Variants in TACR3 observed in about 807,000 individuals in gnomAD.
TACR3 encodes neuromedin-K receptor.
A neutral mutation model predicts 35.0 loss-of-function variants in TACR3; 34 were observed. The observed-to-expected ratio is 0.97, with a 90% CI of 0.74 to 1.30. The LOEUF (loss-of-function observed/expected upper bound fraction) is 1.30. Among genes scored for constraint, TACR3 ranks in the 50% most tolerant of loss-of-function variants. TACR3 has a pLI of 0.00. For synonymous variants in TACR3, 233 were observed against 221.1 expected (o/e 1.05, Z -0.48); for missense variants, 558 against 591.7 (o/e 0.94, Z 0.59).
At position 103,674,294 on chromosome 4, in the gene TACR3, C is replaced by G. The variant is rs561709791; in HGVS notation, c.549-15891G>C. Among the ~76,000 whole-genome samples, 6 of 151,590 alleles carry G rather than the reference C, an allele frequency of 4.0e-5. No homozygotes were observed. In the East Asian group the frequency reaches 9.7e-4, roughly 24 times the overall value. On this transcript the variant is annotated intron_variant, in intron 1 of 4. Coordinates refer to ENST00000304883, the MANE Select transcript of TACR3 (RefSeq NM_001059.3). ...CTATCCAGAGCACAATGAATTGTCT[C>G]CAGTGCTATTATGTTTTTCTGTTTT...
intron 1 of TACR3, among the ~76,000 whole-genome samples, chr4:103,695,254 T>C (rs942225612): frequency 2.6e-5 from 4 of 152,166 alleles, no homozygotes; most frequent in Non-Finnish European, 5.9e-5. Flanking sequence ...GGTCCACTTA[T>C]ACGCGGATTG....
intron 1 of TACR3, among the ~76,000 whole-genome samples, chr4:103,710,978 T>G (rs953581055): frequency 6.6e-6 from 1 of 152,090 alleles, no homozygotes. Flanking sequence ...AATAACAGGC[T>G]CTGAAATTGA....
At chr4:103,643,083 C>A (rs146496626) in intron 3 of TACR3, among the ~76,000 whole-genome samples, 1 of 151,768 alleles carries the variant, frequency 6.6e-6, no homozygotes, top group Non-Finnish European at 1.5e-5. Flanking sequence ...GTAATAACTA[C>A]TGGATTTGCT....
intron 1 of TACR3, among the ~76,000 whole-genome samples, chr4:103,710,491 T>C (rs233964): frequency 0.9 from 134,301 of 149,402 alleles, 59,600 homozygotes; most frequent in Non-Finnish European, 0.92. Context: ...CATATAAAGC[T>C]GTGTGTAGAG....
At chr4:103,697,693 A>G (rs6825438) in intron 1 of TACR3, among the ~76,000 whole-genome samples, 51,725 of 151,974 alleles carry the variant, frequency 0.34, 13,850 homozygotes, top group African/African-American at 0.74. Flanking sequence ...CAAAGTGCTG[A>G]GATTGCAGGC....
At chr4:103,622,859 G>A (rs1446029741) in intron 3 of TACR3, among the ~76,000 whole-genome samples, 1 of 152,148 alleles carries the variant, frequency 6.6e-6, no homozygotes, top group Non-Finnish European at 1.5e-5. Context: ...ACCCAGAGGA[G>A]ACTAATGTCA....
chr4:103,701,567 A>G (rs990943338), intron 1 of TACR3, among the ~76,000 whole-genome samples: 1 of 152,194 alleles, frequency 6.6e-6, no homozygotes, highest in Non-Finnish European at 1.5e-5. Context: ...TACATATGGA[A>G]CCAAAAAAGA....
chr4:103,711,813 G>A (rs1233332187), intron 1 of TACR3, among the ~76,000 whole-genome samples: 4 of 152,186 alleles, frequency 2.6e-5, no homozygotes, highest in South Asian at 2.1e-4. Context: ...ATACAAAATC[G>A]ATGTGCAAAA....
chr4:103,717,341 C>T (rs1355126829), intron 1 of TACR3, among the ~76,000 whole-genome samples: 1 of 151,664 alleles, frequency 6.6e-6, no homozygotes, highest in Non-Finnish European at 1.5e-5. Flanking sequence ...ATATTGTATA[C>T]TCTAAATTTG....
Position 103,719,695 on chromosome 4 carries a change from C to G in TACR3, c.-20G>C, listed in dbSNP as rs201377092. 32 of 1,605,148 alleles carry G rather than the reference C, an allele frequency of 2.0e-5. No homozygotes were observed. Among genetic ancestry groups the G allele is most frequent in the Non-Finnish European group, 2.7e-5 (32 of 1,179,946 alleles). On this transcript the variant is annotated 5_prime_UTR_variant, in exon 1 of 5. Transcript: ENST00000304883. ...GGCCATCGCCACCGGTCTGCAGTCC[C>G]GGACCCTCCCACTCACCCACGGGCA...
Position 103,611,654 on chromosome 4 carries a change from C to CTT in TACR3, c.889-19973_889-19972dup, listed in dbSNP as rs36108507. 1.9e-3 allele frequency among the ~76,000 whole-genome samples: 281 copies of CTT among 151,740 alleles called. 1 individual carries two copies. Among genetic ancestry groups the CTT allele is most frequent in the Admixed American group, 3.6e-3 (55 of 15,212 alleles). On this transcript the variant is annotated intron_variant, in intron 3 of 4. Coordinates refer to ENST00000304883, the MANE Select transcript of TACR3 (RefSeq NM_001059.3). The stretch of plus-strand genomic sequence containing the variant: ...AAACTGTCTAGTAGACAAGCATTTC[C>CTT]TTTTTTTTAACACAGACATGGCATC...
chr4:103,623,367 C>T, intron 3 of TACR3, among the ~76,000 whole-genome samples: 1 of 151,684 alleles, frequency 6.6e-6, no homozygotes. Context: ...AGATAGACAC[C>T]CTGGGATTTT....
At chr4:103,590,953 T>G (rs1049318585) in intron 4 of TACR3, among the ~76,000 whole-genome samples, 6 of 152,184 alleles carry the variant, frequency 3.9e-5, no homozygotes, top group African/African-American at 7.2e-5. Context: ...AGAGGCTGCA[T>G]GCTCTCTTAC....
chr4:103,591,713 A>C (rs1461035524), intron 3 of TACR3, 30 bp from the exon 4 acceptor site: 2 of 1,573,264 alleles, frequency 1.3e-6, no homozygotes, highest in African/African-American at 2.7e-5. Flanking sequence ...TTTTTGACAA[A>C]TATAATACTC....
At chr4:103,631,090 C>T (rs888295043) in intron 3 of TACR3, among the ~76,000 whole-genome samples, 74 of 152,200 alleles carry the variant, frequency 4.9e-4, no homozygotes, top group Non-Finnish European at 2.9e-4. Context: ...AAAAACCAAA[C>T]ACGGCATGTT....
At chr4:103,682,357 A>C (rs188860038) in intron 1 of TACR3, among the ~76,000 whole-genome samples, 14 of 152,288 alleles carry the variant, frequency 9.2e-5, no homozygotes, top group Non-Finnish European at 1.8e-4. Flanking sequence ...TCACAGTTCC[A>C]CATGGTTGGG....
intron 3 of TACR3, among the ~76,000 whole-genome samples, chr4:103,643,068 G>T (rs1725389847): frequency 6.6e-6 from 1 of 151,752 alleles, no homozygotes; most frequent in Admixed American, 6.6e-5. Flanking sequence ...GTAAACACAG[G>T]TTTTGTAATA....
rs763400790 is a variant in TACR3, at chr4:103,586,392, T to C, written c.*3290A>G. The C allele has an allele frequency of 2.6e-5, 4 of 152,098 alleles. No homozygotes were observed. Among genetic ancestry groups the C allele is most frequent in the Non-Finnish European group, 5.9e-5 (4 of 67,998 alleles). The allele number at this position is 152,098 out of a possible 1,614,324, so 9.4% of individuals were successfully genotyped here. A position where few individuals can be genotyped will look rare whatever the true frequency, so the allele number is the denominator to read the frequency against. On this transcript the variant is annotated 3_prime_UTR_variant, in exon 5 of 5. Transcript: ENST00000304883. The stretch of plus-strand genomic sequence containing the variant: ...ATATTATCAATGATAAGTAGGAAAT[T>C]GTTACTGTTAGAAGTGTGAGAAATG...
chr4:103,630,092 G>A (rs1422685683), intron 3 of TACR3, among the ~76,000 whole-genome samples: 2 of 152,072 alleles, frequency 1.3e-5, no homozygotes, highest in Admixed American at 6.5e-5. Context: ...AATGGAGAAA[G>A]GATTCCCTAT....
Sources: gnomAD v4.1 joint callset for allele counts (sites outside exome capture counted in the v4.1 genomes callset) on GRCh38, gnomAD v4.1.1 for gene constraint, MANE v1.5 for transcripts, NCBI Gene and HGNC (gene_info 2026-07-23, HGNC 2026-07-21) for gene names.